Variants in SRSF7 observed in about 807,000 individuals in gnomAD.
The protein encoded by SRSF7 is serine and arginine rich splicing factor 7, also known as serine/arginine-rich splicing factor 7.
SRSF7 carries 15 observed loss-of-function variants against 42.2 expected under a neutral mutation model. That is an observed-to-expected ratio of 0.36 (90% confidence interval 0.24 to 0.55). The LOEUF (loss-of-function observed/expected upper bound fraction) is 0.55, where lower values mean the gene tolerates loss of function less well. Among genes scored for constraint, SRSF7 ranks in the 20% least tolerant of loss-of-function variants. The pLI is 0.88. For missense variants in SRSF7, 181 were observed against 305.9 expected (o/e 0.59, Z 3.04); for synonymous variants, 138 against 107.9 (o/e 1.28, Z -1.73).
intron 7 of SRSF7, 60 bp from the exon 8 acceptor site, chr2:38,745,247 T>C (rs2148474883): frequency 6.4e-7 from 1 of 1,565,848 alleles, no homozygotes; most frequent in South Asian, 1.1e-5. Flanking sequence ...CTCATGTACA[T>C]GTACTAACTT....
At chr2:38,748,485 C>G in intron 4 of SRSF7, 94 bp downstream of exon 4, 3 of 1,280,270 alleles carry the variant, frequency 2.3e-6, no homozygotes, top group Non-Finnish European at 3.4e-6. Flanking sequence ...AGAGCAAGAC[C>G]CTGTCTCCAA....
intron 3 of SRSF7, chr2:38,749,070 T>G: frequency 3.8e-6 from 5 of 1,306,084 alleles, no homozygotes; most frequent in African/African-American, 3.0e-5. Flanking sequence ...ATTTTTCTAG[T>G]TGGGAATGTG....
Position 38,744,062 on chromosome 2 carries a change from AAT to A in SRSF7, c.*1069_*1070del. ...TAAGGTCTACCAGATGCTACCAAAA[AAT>A]ATTAGCTACATGGAGTGTTGCTAAA... On this transcript the variant is annotated 3_prime_UTR_variant, in exon 8 of 8. Transcript: ENST00000313117. 1 of 152,340 alleles carries A rather than the reference AAT, an allele frequency of 6.6e-6. No homozygotes were observed. The highest frequency in any genetic ancestry group is 1.5e-5 in the Non-Finnish European group (1 of 68,028). 9.4% of individuals were successfully genotyped at this position (152,340 alleles called of 1,614,324 possible). A position where few individuals can be genotyped will look rare whatever the true frequency, so the allele number is the denominator to read the frequency against.
Position 38,744,817 on chromosome 2 carries a change from TA to T in SRSF7, c.*315del. 1 of 268,906 alleles carries T rather than the reference TA, an allele frequency of 3.7e-6. No individual in the cohort carries two copies. The highest frequency in any genetic ancestry group is 2.2e-5 in the African/African-American group (1 of 45,136). The allele number at this position is 268,906 out of a possible 1,614,324, so 16.7% of individuals were successfully genotyped here. A position where few individuals can be genotyped will look rare whatever the true frequency, so the allele number is the denominator to read the frequency against. Reference sequence around the variant, plus strand: ...AATTCTGAATGTAGGTATGTATGAATAAGGTTAACAATTATAATGTCTGACT... The same window carrying T: ...AATTCTGAATGTAGGTATGTATGAATAGGTTAACAATTATAATGTCTGACT... On this transcript the variant is annotated 3_prime_UTR_variant, in exon 8 of 8. Coordinates refer to ENST00000313117, the MANE Select transcript of SRSF7 (RefSeq NM_001031684.3).
At chr2:38,751,372 C>A (rs187917886), upstream of SRSF7, 3 of 1,444,148 alleles carry the variant, frequency 2.1e-6, no homozygotes, top group Non-Finnish European at 2.9e-6. Flanking sequence ...GAGGAAGAGC[C>A]CGGGTTCGCG....
intron 2 of SRSF7, 81 bp from the exon 3 acceptor site, chr2:38,749,786 A>G: frequency 7.1e-7 from 1 of 1,399,534 alleles, no homozygotes; most frequent in Non-Finnish European, 9.4e-7. Flanking sequence ...CTTTCCAACC[A>G]CTCACTCTTT....
Position 38,746,183 on chromosome 2 carries a change from T to C in SRSF7, c.627-4A>G. 6.2e-7 allele frequency: 1 copy of C among 1,614,072 alleles called. No individual in the cohort carries two copies. Among genetic ancestry groups the C allele is most frequent in the Non-Finnish European group, 8.5e-7 (1 of 1,179,994 alleles). On this transcript the variant is annotated splice_region_variant and splice_polypyrimidine_tract_variant and intron_variant, in intron 6 of 7. Coordinates refer to ENST00000313117, the MANE Select transcript of SRSF7 (RefSeq NM_001031684.3). Reference sequence around the variant, plus strand: ...TGGAGATCTGGACTTTGATCGGCTGTCAAAACATGAGAAATTCTATTAAAG... The same window carrying C: ...TGGAGATCTGGACTTTGATCGGCTGCCAAAACATGAGAAATTCTATTAAAG...
chr2:38,751,325 A>T lies in SRSF7; in HGVS notation c.-69T>A. 1.4e-5 allele frequency: 23 copies of T among 1,605,558 alleles called. No individual in the cohort carries two copies. The highest frequency in any genetic ancestry group is 3.3e-4 in the Middle Eastern group (2 of 6,072). On this transcript the variant is annotated 5_prime_UTR_variant, in exon 1 of 8. Transcript: ENST00000313117. ...GGGCTCGAGTGACGCAAAAGCTGACACACACCTTCACCCGCCAAGAGTCCC... is the reference window on the plus strand; with the variant it reads ...GGGCTCGAGTGACGCAAAAGCTGACTCACACCTTCACCCGCCAAGAGTCCC...
intron 6 of SRSF7, among the ~76,000 whole-genome samples, chr2:38,746,489 G>C (rs1021471567): frequency 1.3e-5 from 2 of 152,166 alleles, no homozygotes; most frequent in Non-Finnish European, 2.9e-5. Flanking sequence ...CAAGTCATAA[G>C]CTTCTTTCTC....
intron 5 of SRSF7, 165 bp from the exon 6 acceptor site, chr2:38,746,912 G>A (rs1460436626): frequency 2.5e-6 from 3 of 1,180,324 alleles, no homozygotes; most frequent in Admixed American, 2.5e-5. Flanking sequence ...AGTGTTACCA[G>A]ACATAAGGAA....
chr2:38,750,995 G>A lies in SRSF7; in HGVS notation c.28+234C>T. 4 of 528,610 alleles carry A rather than the reference G, an allele frequency of 7.6e-6. No homozygotes were observed. The South Asian group carries it at 8.7e-5, about 11-fold the overall frequency. 32.7% of individuals were successfully genotyped at this position (528,610 alleles called of 1,614,324 possible). On this transcript the variant is annotated intron_variant, in intron 1 of 7. Coordinates refer to ENST00000313117, the MANE Select transcript of SRSF7 (RefSeq NM_001031684.3). ...AAACCGTCATCTCAACCCTGCTTTA[G>A]GCTGGATTGGGCCACAAAAATGCCC...
At position 38,743,846 on chromosome 2, in the gene SRSF7, CTT is replaced by C; in HGVS notation, c.*1285_*1286del. ...CCCAAGTTGCAATAGTATCCAATGACTTTGCTGAAATGCATAAAATGGACAAG... is the reference window on the plus strand; with the variant it reads ...CCCAAGTTGCAATAGTATCCAATGACTGCTGAAATGCATAAAATGGACAAG... On this transcript the variant is annotated 3_prime_UTR_variant, in exon 8 of 8. Coordinates refer to ENST00000313117, the MANE Select transcript of SRSF7 (RefSeq NM_001031684.3). 6.6e-6 allele frequency: 1 copy of C among 152,378 alleles called. No individual in the cohort carries two copies. The highest frequency in any genetic ancestry group is 2.4e-5 in the African/African-American group (1 of 41,496). 9.4% of individuals were successfully genotyped at this position (152,378 alleles called of 1,614,324 possible).
At chr2:38,749,264 T>G in intron 3 of SRSF7, 1 of 1,420,236 alleles carries the variant, frequency 7.0e-7, no homozygotes, top group South Asian at 1.2e-5. Flanking sequence ...GGATCTTAAT[T>G]GTCGGATTTG....
chr2:38,748,637 G>A lies in SRSF7; in HGVS notation c.403C>T (p.His135Tyr). 1 of 1,614,192 alleles carries A rather than the reference G, an allele frequency of 6.2e-7. No homozygotes were observed. Among genetic ancestry groups the A allele is most frequent in the Non-Finnish European group, 8.5e-7 (1 of 1,180,008 alleles). ...TATCGCCTTCCTCTGGATCGAGAAT[G>A]TGATCTAGACCGTGACCTATTTTTC... is the stretch of plus-strand genomic sequence containing the variant. ...RRRSRSRSRS[H>Y]SRSRGRRYSR... Residue 135 changes from histidine (H) to tyrosine (Y), a missense_variant, in exon 4 of 8, where the codon CAT becomes TAT. Coordinates refer to ENST00000313117, the MANE Select transcript of SRSF7 (RefSeq NM_001031684.3).
At position 38,748,124 on chromosome 2, in the gene SRSF7, A is replaced by C; in HGVS notation, c.495T>G (p.Ser165=). The change falls in exon 5 of 8, where the codon TCT becomes TCG. Residue 165 remains serine, a synonymous_variant. Transcript: ENST00000313117. The part of the protein sequence containing the change: ...SRSASPRRSR[S]ISLRRSRSAS... ...CTGATCTTGATCTACGAAGAGAGAT[A>C]GATCTTGATCGTCGAGGAGATGCTG... The C allele has an allele frequency of 1.2e-5, 20 of 1,613,904 alleles. No homozygotes were observed. The highest frequency in any genetic ancestry group is 4.5e-5 in the East Asian group (2 of 44,884).
intron 1 of SRSF7, 194 bp downstream of exon 1, chr2:38,751,035 C>T (rs1276764107): frequency 4.5e-6 from 3 of 659,874 alleles, no homozygotes; most frequent in Non-Finnish European, 8.0e-6. Flanking sequence ...GTACGGAACT[C>T]GGCAGAGATG....
At position 38,750,288 on chromosome 2, in the gene SRSF7, T is replaced by C. The variant is rs189530399; in HGVS notation, c.29-94A>G. ...GCCTTAAAACGGGCCATCCTCAAGA[T>C]TGGGTAAAGCACATTTAATGCCCTC... On this transcript the variant is annotated intron_variant, in intron 1 of 7. Transcript: ENST00000313117. The C allele has an allele frequency of 6.7e-6, 8 of 1,201,960 alleles. No individual in the cohort carries two copies. The East Asian group carries it at 7.2e-5, about 11-fold the overall frequency. The allele number at this position is 1,201,960 out of a possible 1,614,324, so 74.5% of individuals were successfully genotyped here.
Position 38,744,709 on chromosome 2 carries a change from G to A in SRSF7, c.*424C>T. ...ATCTTACCCAGAGCTACAAGGGTAAGATGGAATTTTCAAAGTCCCTTAAGA... is the reference window on the plus strand; with the variant it reads ...ATCTTACCCAGAGCTACAAGGGTAAAATGGAATTTTCAAAGTCCCTTAAGA... On this transcript the variant is annotated 3_prime_UTR_variant, in exon 8 of 8. Transcript: ENST00000313117. 4 of 165,644 alleles carry A rather than the reference G, an allele frequency of 2.4e-5. No homozygotes were observed. Among genetic ancestry groups the A allele is most frequent in the African/African-American group, 9.6e-5 (4 of 41,598 alleles). 10.3% of individuals were successfully genotyped at this position (165,644 alleles called of 1,614,324 possible).
chr2:38,747,116 C>G, intron 5 of SRSF7: 1 of 479,354 alleles, frequency 2.1e-6, no homozygotes, highest in South Asian at 1.5e-5. Context: ...ATGGCAGTCC[C>G]AGCTACTCAG....
Sources: gnomAD v4.1 joint callset for allele counts (sites outside exome capture counted in the v4.1 genomes callset) on GRCh38, gnomAD v4.1.1 for gene constraint, MANE v1.5 for transcripts, NCBI Gene and HGNC (gene_info 2026-07-23, HGNC 2026-07-21) for gene names.